Variants in SLC30A7 observed in about 807,000 individuals in gnomAD.
SLC30A7 encodes solute carrier family 30 member 7, also known as zinc transporter 7.
SLC30A7 carries 35 observed loss-of-function variants against 46.0 expected under a neutral mutation model. The ratio of observed to expected loss-of-function variants is 0.76; its 90% confidence interval spans 0.58 to 1.01. The LOEUF (loss-of-function observed/expected upper bound fraction) is 1.01, where lower values mean the gene tolerates loss of function less well. SLC30A7 is among the 50% of genes least tolerant of loss of function. SLC30A7 has a pLI of 0.00. For missense variants in SLC30A7, 464 were observed against 451.1 expected (o/e 1.03, Z -0.26); for synonymous variants, 147 against 157.8 (o/e 0.93, Z 0.51).
At chr1:100,982,146 T>C (rs1384812294), downstream of SLC30A7, among the ~76,000 whole-genome samples, 1 of 152,250 alleles carries the variant, frequency 6.6e-6, no homozygotes, top group Non-Finnish European at 1.5e-5. Flanking sequence ...TGCAATTCTT[T>C]TTTAAAATAA....
intron 8 of SLC30A7, among the ~76,000 whole-genome samples, chr1:100,924,389 T>G (rs61780288): frequency 0.11 from 16,893 of 152,122 alleles, 1,196 homozygotes; most frequent in Non-Finnish European, 0.16. Flanking sequence ...ATACTTCATG[T>G]CTTTCTTGCC....
rs1017211643 is a variant in SLC30A7 at position 100,977,124 on chromosome 1, G to A, written c.*2267G>A. The A allele has an allele frequency of 2.6e-4, 39 of 151,990 alleles. No homozygotes were observed. The highest frequency in any genetic ancestry group is 9.4e-4 in the African/African-American group (39 of 41,332). The allele number at this position is 151,990 out of a possible 1,614,324, so 9.4% of individuals were successfully genotyped here. A position where few individuals can be genotyped will look rare whatever the true frequency, so the allele number is the denominator to read the frequency against. On this transcript the variant is annotated 3_prime_UTR_variant, in exon 11 of 11. Coordinates refer to ENST00000357650, the MANE Select transcript of SLC30A7 (RefSeq NM_133496.5). ...ATCTAGATGAAGGGAGCTTTTGGATGTGTGCCTTTAAAAACTGATTATGTA... is the reference window on the plus strand; with the variant it reads ...ATCTAGATGAAGGGAGCTTTTGGATATGTGCCTTTAAAAACTGATTATGTA...
chr1:100,952,856 G>C (rs974094771), intron 8 of SLC30A7, among the ~76,000 whole-genome samples: 1 of 152,162 alleles, frequency 6.6e-6, no homozygotes, highest in Non-Finnish European at 1.5e-5. Context: ...TTACCATATT[G>C]TGAGGAAATG....
At chr1:100,994,097 C>G in the SLC30A7 span, among the ~76,000 whole-genome samples, 3 of 152,122 alleles carry the variant, frequency 2.0e-5, no homozygotes, top group East Asian at 5.8e-4. Context: ...AATTTAACAC[C>G]TACTCATATA....
At chr1:100,987,646 A>G in the SLC30A7 span, among the ~76,000 whole-genome samples, 1 of 141,446 alleles carries the variant, frequency 7.1e-6, no homozygotes, top group South Asian at 2.2e-4. Flanking sequence ...TTATGTTCGG[A>G]TTTTTTTTTC....
At chr1:100,990,172 GAGAATGAGAGCC>G in the SLC30A7 span, 1 of 510,606 alleles carries the variant, frequency 2.0e-6, no homozygotes, top group Non-Finnish European at 3.5e-6. Context: ...CGGCAAGAGT[GAGAATGAGAGCC>G]AGTAGGGGAA....
chr1:100,961,760 A>T, intron 8 of SLC30A7, 68 bp from the exon 9 acceptor site: 10 of 869,182 alleles, frequency 1.2e-5, no homozygotes, highest in Non-Finnish European at 1.8e-5. Context: ...GAGGCATATT[A>T]TTACTTTCTT....
In SLC30A7 at chr1:100,896,205, C is replaced by A; in HGVS notation, c.-58C>A. 3 of 1,504,396 alleles carry A rather than the reference C, an allele frequency of 2.0e-6. No individual in the cohort carries two copies. Among genetic ancestry groups the A allele is most frequent in the Non-Finnish European group, 2.8e-6 (3 of 1,080,834 alleles). 93.2% of individuals were successfully genotyped at this position (1,504,396 alleles called of 1,614,324 possible). ...GAGGCGTCACTACTGTCACTGCCATCACCCCACGGAGCCACTTCTAGAGGG... is the reference window on the plus strand; with the variant it reads ...GAGGCGTCACTACTGTCACTGCCATAACCCCACGGAGCCACTTCTAGAGGG... On this transcript the variant is annotated 5_prime_UTR_variant, in exon 1 of 11. Coordinates refer to ENST00000357650, the MANE Select transcript of SLC30A7 (RefSeq NM_133496.5).
chr1:100,994,837 G>A, the SLC30A7 span, among the ~76,000 whole-genome samples: 1 of 152,076 alleles, frequency 6.6e-6, no homozygotes, highest in Non-Finnish European at 1.5e-5. Context: ...TCACACCCAT[G>A]TTTTCAGAAT....
intron 8 of SLC30A7, among the ~76,000 whole-genome samples, chr1:100,950,702 A>G (rs1250797440): frequency 6.6e-6 from 1 of 152,214 alleles, no homozygotes; most frequent in Non-Finnish European, 1.5e-5. Context: ...TACTGTAGGC[A>G]AAGTTCTCTG....
chr1:100,941,213 T>G, intron 8 of SLC30A7: 2 of 372,262 alleles, frequency 5.4e-6, no homozygotes, highest in Non-Finnish European at 1.0e-5. Flanking sequence ...CACCTCCAAA[T>G]TTGCTTCCAT....
chr1:100,956,365 A>C (rs1332560951), intron 8 of SLC30A7, among the ~76,000 whole-genome samples: 4 of 152,130 alleles, frequency 2.6e-5, no homozygotes, highest in Non-Finnish European at 5.9e-5. Context: ...GGAGGAAAAA[A>C]GGAAGTACTA....
At chr1:100,903,510 G>T (rs1198576430) in intron 2 of SLC30A7, among the ~76,000 whole-genome samples, 2 of 152,052 alleles carry the variant, frequency 1.3e-5, no homozygotes, top group Admixed American at 1.3e-4. Context: ...CCCTTACCTT[G>T]TCCTCATGTA....
intron 8 of SLC30A7, among the ~76,000 whole-genome samples, chr1:100,943,931 A>G (rs1363612384): frequency 6.6e-6 from 1 of 152,272 alleles, no homozygotes; most frequent in African/African-American, 2.4e-5. Context: ...CATGCATATA[A>G]TCTAAATGTT....
chr1:100,925,891 TGGAGTG>T (rs751681358), intron 8 of SLC30A7, among the ~76,000 whole-genome samples: 3 of 152,194 alleles, frequency 2.0e-5, no homozygotes, highest in Non-Finnish European at 2.9e-5. Context: ...TTTAAAGTCA[TGGAGTG>T]GTTGGTATTC....
intron 8 of SLC30A7, chr1:100,941,282 C>A (rs187165179): frequency 1.6e-5 from 6 of 375,444 alleles, no homozygotes; most frequent in African/African-American, 4.2e-5. Context: ...ACCAGAGCTA[C>A]CACCAAAGCC....
At position 100,906,841 on chromosome 1, in the gene SLC30A7, T is replaced by C. The variant is rs374194098; in HGVS notation, c.183-11T>C. On this transcript the variant is annotated splice_polypyrimidine_tract_variant and intron_variant, in intron 2 of 10. Transcript: ENST00000357650. The stretch of plus-strand genomic sequence containing the variant: ...TTATTATAATTTGTCAATGTGTTTG[T>C]TCTTTTCCAGCTTAGGCTTGATTTC... The C allele has an allele frequency of 1.3e-6, 2 of 1,589,408 alleles. No individual in the cohort carries two copies. Among genetic ancestry groups the C allele is most frequent in the African/African-American group, 2.7e-5 (2 of 74,358 alleles).
In SLC30A7 at chr1:100,975,056, G is replaced by T; in HGVS notation, c.*199G>T. 2.5e-6 allele frequency: 1 copy of T among 399,552 alleles called. No homozygotes were observed. The highest frequency in any genetic ancestry group is 4.4e-6 in the Non-Finnish European group (1 of 225,308). 24.8% of individuals were successfully genotyped at this position (399,552 alleles called of 1,614,324 possible). ...ATCAGATTTAAGAGGATATCTCCTG[G>T]ACTTTTGGTCTTTTCTTTTGTGCTC... On this transcript the variant is annotated 3_prime_UTR_variant, in exon 11 of 11. Transcript: ENST00000357650.
chr1:100,912,040 G>A, intron 4 of SLC30A7, 72 bp from the exon 5 acceptor site: 1 of 1,364,134 alleles, frequency 7.3e-7, no homozygotes, highest in Non-Finnish European at 1.0e-6. Context: ...GTTTAATGTT[G>A]TCTTATGATT....
Sources: allele counts gnomAD v4.1 joint callset (sites outside exome capture counted in the v4.1 genomes callset), GRCh38; gene constraint gnomAD v4.1.1; transcripts MANE v1.5; gene names NCBI Gene and HGNC (gene_info 2026-07-23, HGNC 2026-07-21).